Variants in APAF1 observed in about 807,000 individuals in gnomAD.
APAF1 encodes the protein apoptotic protease-activating factor 1.
A neutral mutation model predicts 152.4 loss-of-function variants in APAF1; 91 were observed. The observed-to-expected ratio is 0.60, with a 90% confidence interval of 0.50 to 0.71. The LOEUF is 0.71. Ranked by LOEUF, APAF1 falls within the 30% of genes least tolerant of loss-of-function variation. APAF1 has a pLI of 0.00. For synonymous variants in APAF1, 484 were observed against 494.1 expected (o/e 0.98, Z 0.27); for missense variants, 1,283 against 1,472.0 (o/e 0.87, Z 2.10).
At chr12:98,676,509 C>G (rs1347988223) in intron 12 of APAF1, among the ~76,000 whole-genome samples, 1 of 151,910 alleles carries the variant, frequency 6.6e-6, no homozygotes, top group African/African-American at 2.4e-5. Context: ...ATGCCTGGCC[C>G]CTTTATACTT....
At chr12:98,659,752 GAAAAAAAA>G (rs34536171) in intron 5 of APAF1, among the ~76,000 whole-genome samples, 1 of 89,920 alleles carries the variant, frequency 1.1e-5, no homozygotes, top group Non-Finnish European at 2.1e-5. Context: ...AACTCCATCA[GAAAAAAAA>G]AAAAAAAAAA....
At chr12:98,667,856 C>T (rs1453027435) in intron 10 of APAF1, among the ~76,000 whole-genome samples, 1 of 142,870 alleles carries the variant, frequency 7.0e-6, no homozygotes, top group African/African-American at 2.6e-5. Context: ...ATTACACCCT[C>T]ACCTCCTGGG....
chr12:98,711,476 A>G (rs933868666), intron 20 of APAF1, among the ~76,000 whole-genome samples: 1 of 152,212 alleles, frequency 6.6e-6, no homozygotes, highest in African/African-American at 2.4e-5. Flanking sequence ...CATTTTGAAT[A>G]TCTAATAGAT....
chr12:98,708,042 G>T (rs2097723695), intron 19 of APAF1, among the ~76,000 whole-genome samples: 1 of 152,176 alleles, frequency 6.6e-6, no homozygotes, highest in African/African-American at 2.4e-5. Context: ...CACCTCCCAG[G>T]TTCAAGCAAT....
At chr12:98,692,065 C>G (rs940805300) in intron 16 of APAF1, among the ~76,000 whole-genome samples, 4 of 152,130 alleles carry the variant, frequency 2.6e-5, no homozygotes, top group African/African-American at 9.7e-5. Flanking sequence ...TCTTCTCAAA[C>G]ATGACCTACT....
intron 10 of APAF1, among the ~76,000 whole-genome samples, chr12:98,668,543 A>G (rs555377192): frequency 2.6e-5 from 4 of 152,210 alleles, no homozygotes; most frequent in Non-Finnish European, 5.9e-5. Context: ...TGGGTAGTTA[A>G]GTGCTCAGAA....
intron 4 of APAF1, among the ~76,000 whole-genome samples, chr12:98,654,005 A>T (rs1020668258): frequency 6.6e-6 from 1 of 151,994 alleles, no homozygotes. Context: ...AGTAGTGTGG[A>T]GTTTTCCCTG....
intron 18 of APAF1, 109 bp from the exon 19 acceptor site, chr12:98,706,376 A>G: frequency 1.9e-6 from 2 of 1,045,746 alleles, no homozygotes; most frequent in Non-Finnish European, 3.0e-6. Flanking sequence ...GTTTCTGAGC[A>G]ATATTCATTG....
intron 24 of APAF1, among the ~76,000 whole-genome samples, chr12:98,724,068 C>T (rs1001413242): frequency 2.0e-5 from 3 of 152,202 alleles, no homozygotes; most frequent in African/African-American, 4.8e-5. Context: ...TATACACTGA[C>T]AATACAATTT....
chr12:98,679,335 G>A (rs1160693422), intron 13 of APAF1, among the ~76,000 whole-genome samples: 3 of 152,012 alleles, frequency 2.0e-5, no homozygotes, highest in Non-Finnish European at 4.4e-5. Context: ...CACTTGTCAG[G>A]AGGACTTGCC....
chr12:98,649,782 G>A (rs1184840588), intron 4 of APAF1, 98 bp downstream of exon 4: 7 of 1,152,134 alleles, frequency 6.1e-6, no homozygotes, highest in Admixed American at 2.0e-5. Context: ...GTAGAAACAA[G>A]TATAAGGTAC....
chr12:98,732,065 A>T (rs949873934), intron 26 of APAF1, among the ~76,000 whole-genome samples: 15 of 152,050 alleles, frequency 9.9e-5, no homozygotes, highest in Admixed American at 2.0e-4. Context: ...AGAGAGGGGG[A>T]ATCTTCTGCC....
intron 22 of APAF1, 90 bp from the exon 23 acceptor site, chr12:98,723,103 C>A: frequency 7.2e-7 from 1 of 1,392,450 alleles, no homozygotes. Flanking sequence ...GAGTAAAAGA[C>A]TTTAGACAAG....
intron 21 of APAF1, among the ~76,000 whole-genome samples, chr12:98,713,163 G>A (rs960781375): frequency 2.0e-5 from 3 of 152,118 alleles, no homozygotes; most frequent in African/African-American, 7.2e-5. Flanking sequence ...TGATCTATTA[G>A]TCATTGTTCG....
chr12:98,667,438 T>C, intron 9 of APAF1, 75 bp from the exon 10 acceptor site: 1 of 1,568,360 alleles, frequency 6.4e-7, no homozygotes, highest in Non-Finnish European at 8.7e-7. Flanking sequence ...CTTAATAGCT[T>C]TGGAAGCTGA....
chr12:98,717,178 T>C (rs972831851), intron 22 of APAF1, among the ~76,000 whole-genome samples: 4 of 151,734 alleles, frequency 2.6e-5, no homozygotes, highest in Admixed American at 1.3e-4. Flanking sequence ...TACTGTGCTC[T>C]ATTTTTGGGG....
At chr12:98,692,094 T>C (rs893069127) in intron 16 of APAF1, among the ~76,000 whole-genome samples, 2 of 152,080 alleles carry the variant, frequency 1.3e-5, no homozygotes, top group African/African-American at 4.8e-5. Context: ...TTCATTATTA[T>C]TTTTTTTAGA....
In APAF1 at chr12:98,732,516, G is replaced by A; in HGVS notation, c.3697G>A (p.Val1233Met). 6.3e-7 allele frequency: 1 copy of A among 1,575,626 alleles called. No homozygotes were observed. The highest frequency in any genetic ancestry group is 8.7e-7 in the Non-Finnish European group (1 of 1,145,014). Residue 1233 changes from valine (V) to methionine (M), a missense_variant, in exon 27 of 27, where the codon GTG becomes ATG. Transcript: ENST00000551964. The stretch of plus-strand genomic sequence containing the variant: ...CGTGTCCCCTGACTTCAAAACATAT[G>A]TGACTGTGGATAATCTTGGTATTTT... ...IHVSPDFKTY[V>M]TVDNLGILYI...
rs529037865 is a variant in APAF1 at position 98,665,150 on chromosome 12, C to T, written c.956-403C>T. Reference sequence around the variant, plus strand: ...GCTGAAGCAATCCTCCCACCTCAGCCTCCTAAGTAGCCGGCACTATAGGCA... The same window carrying T: ...GCTGAAGCAATCCTCCCACCTCAGCTTCCTAAGTAGCCGGCACTATAGGCA... On this transcript the variant is annotated intron_variant, in intron 7 of 26. Transcript: ENST00000551964. 2.7e-3 allele frequency among the ~76,000 whole-genome samples: 408 copies of T among 151,488 alleles called. 1 individual carries two copies. The highest frequency in any genetic ancestry group is 2.8e-3 in the Non-Finnish European group (187 of 67,896).
Sources: allele counts gnomAD v4.1 joint callset (sites outside exome capture counted in the v4.1 genomes callset), GRCh38; gene constraint gnomAD v4.1.1; transcripts MANE v1.5; gene names NCBI Gene and HGNC (gene_info 2026-07-23, HGNC 2026-07-21).